The following TMEM266 variants were observed in gnomAD, a reference collection of about 807,000 sequenced individuals.
The protein encoded by TMEM266 is Hv1 related protein 1.
A neutral mutation model predicts 50.5 loss-of-function variants in TMEM266; 33 were observed. That is an observed-to-expected ratio of 0.65 (90% CI 0.50 to 0.87). The LOEUF is 0.87. Ranked by LOEUF, TMEM266 falls within the 40% of genes least tolerant of loss-of-function variation. The pLI is 0.00. For missense variants in TMEM266, 655 were observed against 695.1 expected (o/e 0.94, Z 0.65); for synonymous variants, 310 against 292.3 (o/e 1.06, Z -0.62).
intron 8 of TMEM266, among the ~76,000 whole-genome samples, chr15:76,180,498 C>T (rs557187220): frequency 6.6e-6 from 1 of 151,380 alleles, no homozygotes; most frequent in Admixed American, 6.6e-5. Context: ...ATCAAGAGGA[C>T]ACACTGGCCA....
chr15:76,124,218 C>T (rs930428150), intron 1 of TMEM266, among the ~76,000 whole-genome samples: 36 of 152,160 alleles, frequency 2.4e-4, no homozygotes, highest in Admixed American at 1.8e-3. Flanking sequence ...TCTTTCTTCT[C>T]GTTTGGGAGT....
intron 3 of TMEM266, among the ~76,000 whole-genome samples, chr15:76,148,940 T>C (rs943863626): frequency 4.6e-5 from 7 of 152,144 alleles, no homozygotes; most frequent in Non-Finnish European, 1.0e-4. Flanking sequence ...AACTTCAATT[T>C]ATTTAGTTAT....
At chr15:76,107,812 G>A (rs2037106553) in intron 1 of TMEM266, among the ~76,000 whole-genome samples, 1 of 152,132 alleles carries the variant, frequency 6.6e-6, no homozygotes, top group Non-Finnish European at 1.5e-5. Context: ...TCAAAAGGAG[G>A]AAGTCTACTC....
At chr15:76,122,323 A>C (rs2037358791) in intron 1 of TMEM266, among the ~76,000 whole-genome samples, 1 of 152,258 alleles carries the variant, frequency 6.6e-6, no homozygotes, top group Non-Finnish European at 1.5e-5. Context: ...GCCAAGGCCA[A>C]CCACCAGGTA....
chr15:76,162,907 C>T lies in TMEM266; in HGVS notation c.456+2739C>T, dbSNP rs533020031. On this transcript the variant is annotated intron_variant, in intron 5 of 10. Coordinates refer to ENST00000388942, the MANE Select transcript of TMEM266 (RefSeq NM_152335.3). ...ATGTGGCTGTGGGCCGAGGGTGGGG[C>T]GGCACTCCGAGCCTCCTTGGCCTTA... is the stretch of plus-strand genomic sequence containing the variant. 9.8e-5 allele frequency among the ~76,000 whole-genome samples: 15 copies of T among 152,298 alleles called. 1 individual carries two copies. Among genetic ancestry groups the T allele is most frequent in the Admixed American group, 3.3e-4 (5 of 15,302 alleles).
At chr15:76,188,825 C>T (rs2038525915) in intron 8 of TMEM266, among the ~76,000 whole-genome samples, 1 of 152,094 alleles carries the variant, frequency 6.6e-6, no homozygotes, top group African/African-American at 2.4e-5. Context: ...TGATTTCCTT[C>T]CCCAAACCCC....
At chr15:76,116,556 C>T (rs1158312392) in intron 1 of TMEM266, among the ~76,000 whole-genome samples, 2 of 152,006 alleles carry the variant, frequency 1.3e-5, no homozygotes, top group East Asian at 1.9e-4. Context: ...TGCACCCATC[C>T]GGAGTGGGGG....
intron 3 of TMEM266, among the ~76,000 whole-genome samples, chr15:76,152,801 C>T (rs2142044048): frequency 6.6e-6 from 1 of 152,312 alleles, no homozygotes; most frequent in Admixed American, 6.5e-5. Context: ...TAGTACCCAT[C>T]ACACCAGCAC....
intron 1 of TMEM266, among the ~76,000 whole-genome samples, chr15:76,099,415 A>C (rs961035201): frequency 6.6e-6 from 1 of 152,224 alleles, no homozygotes; most frequent in African/African-American, 2.4e-5. Context: ...CCCACTGTCC[A>C]ACGAGTCCCA....
chr15:76,150,640 A>C (rs1005230500), intron 3 of TMEM266, among the ~76,000 whole-genome samples: 1 of 152,136 alleles, frequency 6.6e-6, no homozygotes, highest in African/African-American at 2.4e-5. Context: ...GACCAATTGC[A>C]TAGTGGATTG....
At chr15:76,152,140 A>G (rs1477255833) in intron 3 of TMEM266, among the ~76,000 whole-genome samples, 1 of 152,102 alleles carries the variant, frequency 6.6e-6, no homozygotes, top group Non-Finnish European at 1.5e-5. Context: ...TCCCCTGGGT[A>G]CCATCTTTTC....
intron 5 of TMEM266, among the ~76,000 whole-genome samples, chr15:76,166,375 T>G (rs1261234769): frequency 1.3e-5 from 2 of 152,254 alleles, no homozygotes; most frequent in Non-Finnish European, 2.9e-5. Flanking sequence ...AGCGGCCTCT[T>G]GCTATTCTGT....
chr15:76,143,671 C>T lies in TMEM266; in HGVS notation c.227+5776C>T, dbSNP rs562300217. On this transcript the variant is annotated intron_variant, in intron 3 of 10. Coordinates refer to ENST00000388942, the MANE Select transcript of TMEM266 (RefSeq NM_152335.3). ...GTGCCCAGCCCTTCTCCTGATTTTC[C>T]TCCTCCATCTCTGGCTGTTCCTTCC... 7.9e-5 allele frequency among the ~76,000 whole-genome samples: 12 copies of T among 152,268 alleles called. No individual in the cohort carries two copies. The East Asian group carries it at 2.1e-3, about 27-fold the overall frequency.
At chr15:76,182,844 T>C (rs536178144) in intron 8 of TMEM266, among the ~76,000 whole-genome samples, 2 of 152,230 alleles carry the variant, frequency 1.3e-5, no homozygotes, top group Admixed American at 6.5e-5. Context: ...TAGTTTTTCA[T>C]GGAGGGACTA....
In TMEM266 at chr15:76,072,856, T is replaced by C. The variant is rs545060276; in HGVS notation, c.-97+12840T>C. On this transcript the variant is annotated intron_variant, in intron 1 of 10. Transcript: ENST00000388942. The stretch of plus-strand genomic sequence containing the variant: ...TTTCACCATGTTGGCCAGGCTGGTC[T>C]CAAACTTCTGACCTTGTGATCCACC... Among the ~76,000 whole-genome samples the C allele has an allele frequency of 6.9e-4, 105 of 152,282 alleles. 1 individual carries two copies. Among genetic ancestry groups the C allele is most frequent in the African/African-American group, 2.5e-3 (104 of 41,552 alleles).
chr15:76,170,620 G>A lies in TMEM266; in HGVS notation c.514-373G>A, dbSNP rs185941187. Among the ~76,000 whole-genome samples the A allele has an allele frequency of 5.9e-5, 9 of 152,346 alleles. No homozygotes were observed. In the East Asian group the frequency reaches 1.7e-3, roughly 29 times the overall value. ...CCGGGCTCCTGTTCCCCTCGGGGAA[G>A]GAGGCACCCTGAGCCTGCCTTCAGC... On this transcript the variant is annotated intron_variant, in intron 6 of 10. Transcript: ENST00000388942.
intron 1 of TMEM266, among the ~76,000 whole-genome samples, chr15:76,101,627 G>A (rs539025368): frequency 3.3e-5 from 5 of 152,184 alleles, no homozygotes; most frequent in Non-Finnish European, 7.3e-5. Flanking sequence ...TCTTCTAGTA[G>A]GGAAATGCTC....
rs188677742 is a variant in TMEM266, at chr15:76,139,532, C to T, written c.227+1637C>T. On this transcript the variant is annotated intron_variant, in intron 3 of 10. Transcript: ENST00000388942. This position sits in a 1 kb window ranked among gnomAD's most constrained non-coding sequence, Gnocchi z 4.1. ...CGCAGAGCCCCGTACTTAGAAGGGT[C>T]CCAACACTTGGCTAAATGCTCTGCC... Among the ~76,000 whole-genome samples, 371 of 152,284 alleles carry T rather than the reference C, an allele frequency of 2.4e-3. 2 individuals carry two copies. Among genetic ancestry groups the T allele is most frequent in the African/African-American group, 8.3e-3 (347 of 41,564 alleles).
rs567298117 is a variant in TMEM266, at chr15:76,091,423, G to A, written c.-97+31407G>A. Among the ~76,000 whole-genome samples the A allele has an allele frequency of 2.1e-4, 32 of 152,042 alleles. 1 individual carries two copies. The highest frequency in any genetic ancestry group is 7.5e-4 in the African/African-American group (31 of 41,506). ...TTAAGGGCCGGGAGTGGTGGCCCATGCTTGTAATCCCAGCACTTTGGGAGG... is the reference window on the plus strand; with the variant it reads ...TTAAGGGCCGGGAGTGGTGGCCCATACTTGTAATCCCAGCACTTTGGGAGG... On this transcript the variant is annotated intron_variant, in intron 1 of 10. Transcript: ENST00000388942.
Sources: allele counts gnomAD v4.1 joint callset (sites outside exome capture counted in the v4.1 genomes callset), GRCh38; gene constraint gnomAD v4.1.1; non-coding constraint Gnocchi (gnomAD v3.1); transcripts MANE v1.5; gene names NCBI Gene and HGNC (gene_info 2026-07-23, HGNC 2026-07-21).